The following TIPIN variants were observed in gnomAD, a reference collection of about 807,000 sequenced individuals.
TIPIN encodes the protein TIMELESS-interacting protein.
Under a neutral mutation model 35.6 loss-of-function variants are expected in TIPIN, and 29 were observed. The ratio of observed to expected loss-of-function variants is 0.82; its 90% CI spans 0.61 to 1.11. The LOEUF (loss-of-function observed/expected upper bound fraction) is 1.11, where lower values mean the gene tolerates loss of function less well. Among genes scored for constraint, TIPIN ranks in the 50% most tolerant of loss-of-function variants. TIPIN has a pLI of 0.00. For synonymous variants in TIPIN, 102 were observed against 121.5 expected (o/e 0.84, Z 1.06); for missense variants, 296 against 345.4 (o/e 0.86, Z 1.13).
rs369444067 is a variant in TIPIN at position 66,337,188 on chromosome 15, G to C, written c.683-7C>G. 2 of 1,608,130 alleles carry C rather than the reference G, an allele frequency of 1.2e-6. No individual in the cohort carries two copies. Among genetic ancestry groups the C allele is most frequent in the Non-Finnish European group, 8.5e-7 (1 of 1,175,932 alleles). ...GGTGTATTCATTAACATATCTGAAA[G>C]AAATCATACCATTATTATTCATTAT... On this transcript the variant is annotated splice_region_variant and splice_polypyrimidine_tract_variant and intron_variant, in intron 7 of 7. Coordinates refer to ENST00000261881, the MANE Select transcript of TIPIN (RefSeq NM_017858.3).
chr15:66,362,694 C>A (rs987737544), intron 1 of TIPIN, among the ~76,000 whole-genome samples: 7 of 152,116 alleles, frequency 4.6e-5, no homozygotes, highest in African/African-American at 9.7e-5. Context: ...GCACTCCAAC[C>A]TAGGCGACAG....
intron 7 of TIPIN, among the ~76,000 whole-genome samples, chr15:66,339,613 A>G (rs1429152020): frequency 6.6e-6 from 1 of 152,160 alleles, no homozygotes; most frequent in Non-Finnish European, 1.5e-5. Context: ...CATACCTGCA[A>G]TCCCAGCACT....
At chr15:66,346,950 C>A (rs1190400446) in intron 6 of TIPIN, among the ~76,000 whole-genome samples, 1 of 152,008 alleles carries the variant, frequency 6.6e-6, no homozygotes, top group African/African-American at 2.4e-5. Context: ...CGCCACCACA[C>A]CCGGCTAATT....
intron 7 of TIPIN, among the ~76,000 whole-genome samples, chr15:66,337,850 C>G (rs1280245486): frequency 6.8e-6 from 1 of 146,188 alleles, no homozygotes; most frequent in Non-Finnish European, 1.5e-5. Flanking sequence ...GCCTGGGTGA[C>G]AAAGTGAGAT....
intron 4 of TIPIN, 123 bp from the exon 5 acceptor site, chr15:66,349,560 A>G: frequency 7.9e-7 from 1 of 1,270,610 alleles, no homozygotes; most frequent in Non-Finnish European, 1.1e-6. Flanking sequence ...TATAAGGTTG[A>G]AAAACTTATA....
intron 1 of TIPIN, chr15:66,383,513 C>T: frequency 1.1e-6 from 1 of 874,198 alleles, no homozygotes; most frequent in Non-Finnish European, 1.4e-6. Context: ...ATCCTCCCAC[C>T]TCAGCCTCCC....
chr15:66,341,549 ACG>A (rs1204854183), intron 6 of TIPIN, among the ~76,000 whole-genome samples, 193 bp from the exon 7 acceptor site: 26 of 284 alleles, frequency 0.092, 6 homozygotes, highest in Non-Finnish European at 0.75. Context: ...CGGGCGGATC[ACG>A]AGGTCAGGAG....
upstream of TIPIN, among the ~76,000 whole-genome samples, chr15:66,359,290 T>C (rs1473085817): frequency 2.0e-5 from 3 of 152,164 alleles, no homozygotes; most frequent in East Asian, 5.8e-4. Context: ...ATTTTATTTC[T>C]ATACTTGTGA....
intron 1 of TIPIN, among the ~76,000 whole-genome samples, chr15:66,373,535 G>A (rs972820014): frequency 3.3e-5 from 5 of 151,418 alleles, no homozygotes; most frequent in Middle Eastern, 3.4e-3. Context: ...AAAATATACA[G>A]TCATGTATAT....
At chr15:66,373,269 G>A (rs922380281) in intron 1 of TIPIN, among the ~76,000 whole-genome samples, 4 of 152,162 alleles carry the variant, frequency 2.6e-5, no homozygotes, top group African/African-American at 9.7e-5. Context: ...TGAGGCGGGA[G>A]GATCACGAGG....
chr15:66,357,723 C>T (rs2093213078), upstream of TIPIN, among the ~76,000 whole-genome samples: 1 of 151,824 alleles, frequency 6.6e-6, no homozygotes, highest in South Asian at 2.1e-4. Flanking sequence ...TTTGGGAGGC[C>T]GAGGCGGGCA....
intron 7 of TIPIN, among the ~76,000 whole-genome samples, chr15:66,340,062 C>T (rs563077784): frequency 3.8e-4 from 58 of 150,714 alleles, no homozygotes; most frequent in Admixed American, 9.3e-4. Flanking sequence ...TTAGTAGAGA[C>T]GGGTTTTCAC....
In TIPIN at chr15:66,337,071, T is replaced by A. The variant is rs1566968772; in HGVS notation, c.793A>T (p.Asn265Tyr). ...LNEDILDNPC[N>Y]DAIANTLNEE... ...TTTAAAGTATTGGCAATAGCATCAT[T>A]ACATGGATTGTCCAGAATGTCTTCG... Residue 265 changes from asparagine (N) to tyrosine (Y), a missense_variant, in exon 8 of 8, where the codon AAT becomes TAT. Coordinates refer to ENST00000261881, the MANE Select transcript of TIPIN (RefSeq NM_017858.3). 2 of 1,614,158 alleles carry A rather than the reference T, an allele frequency of 1.2e-6. No individual in the cohort carries two copies. The highest frequency in any genetic ancestry group is 8.5e-7 in the Non-Finnish European group (1 of 1,180,016).
chr15:66,338,604 G>A, intron 7 of TIPIN, among the ~76,000 whole-genome samples: 1 of 151,958 alleles, frequency 6.6e-6, no homozygotes, highest in Non-Finnish European at 1.5e-5. Flanking sequence ...CACGAGGTTA[G>A]GGGATCGAGA....
chr15:66,336,819 T>TA lies in TIPIN; in HGVS notation c.*138dup, dbSNP rs1566968475. 6.1e-6 allele frequency: 4 copies of TA among 652,292 alleles called. No homozygotes were observed. The highest frequency in any genetic ancestry group is 1.0e-5 in the Non-Finnish European group (4 of 388,930). 40.4% of individuals were successfully genotyped at this position (652,292 alleles called of 1,614,324 possible). A position where few individuals can be genotyped will look rare whatever the true frequency, so the allele number is the denominator to read the frequency against. ...AGTGACAAGCATAATTATAAATAAA[T>TA]ACCAGATTATCAGATTTTAAACAAT... On this transcript the variant is annotated 3_prime_UTR_variant, in exon 8 of 8. Transcript: ENST00000261881.
chr15:66,364,710 T>C (rs12101389), intron 1 of TIPIN, among the ~76,000 whole-genome samples: 39,056 of 151,886 alleles, frequency 0.26, 5,639 homozygotes, highest in South Asian at 0.33. Context: ...CTCACACTTC[T>C]AATCCCAGCA....
At chr15:66,348,405 C>T in intron 6 of TIPIN, 1 of 150,990 alleles carries the variant, frequency 6.6e-6, no homozygotes, top group Non-Finnish European at 1.5e-5. Flanking sequence ...GGCGCAGTGG[C>T]TCACGCCTAT....
At chr15:66,357,010 G>A (rs957883598), upstream of TIPIN, among the ~76,000 whole-genome samples, 2 of 151,790 alleles carry the variant, frequency 1.3e-5, no homozygotes, top group East Asian at 1.9e-4. Context: ...TCTACCTCCC[G>A]GGCTGAAACG....
chr15:66,351,728 C>T, intron 3 of TIPIN, 128 bp from the exon 4 acceptor site: 3 of 719,690 alleles, frequency 4.2e-6, no homozygotes, highest in Non-Finnish European at 6.8e-6. Context: ...AGCTCGGCCT[C>T]CCCCAGGTTC....
Sources: allele counts gnomAD v4.1 joint callset (sites outside exome capture counted in the v4.1 genomes callset), GRCh38; gene constraint gnomAD v4.1.1; transcripts MANE v1.5; gene names NCBI Gene and HGNC (gene_info 2026-07-23, HGNC 2026-07-21).